YWHAG: variants seen among roughly 807,000 people sequenced by gnomAD.
YWHAG encodes the protein tyrosine 3-monooxygenase/tryptophan 5-monooxygenase activation protein gamma.
A neutral mutation model predicts 23.3 loss-of-function variants in YWHAG; 1 was observed. The ratio of observed to expected loss-of-function variants is 0.04; its 90% CI spans 0.02 to 0.20. The LOEUF is 0.20. Among genes scored for constraint, YWHAG ranks in the 10% least tolerant of loss-of-function variants. The probability of loss-of-function intolerance (pLI) is 1.00; values close to 1 mark genes in which losing one functional copy is unlikely to be tolerated. For missense variants in YWHAG, 151 were observed against 338.6 expected (o/e 0.45, Z 4.35); for synonymous variants, 160 against 144.0 (o/e 1.11, Z -0.80).
chr7:76,329,143 G>A lies in YWHAG; in HGVS notation c.*434C>T, dbSNP rs1228925486. On this transcript the variant is annotated 3_prime_UTR_variant, in exon 2 of 2. Transcript: ENST00000307630. The surrounding 1 kb of genome is among the most constrained non-coding windows in gnomAD (Gnocchi z 6.1). ...CTGTAGGCTACACCCTGGAAAACAT[G>A]CAGAGCCGAGACAGATGAGATAGAA... The A allele has an allele frequency of 1.2e-5, 2 of 173,400 alleles. No individual in the cohort carries two copies. Among genetic ancestry groups the A allele is most frequent in the African/African-American group, 2.4e-5 (1 of 41,714 alleles). 10.7% of individuals were successfully genotyped at this position (173,400 alleles called of 1,614,324 possible). A position where few individuals can be genotyped will look rare whatever the true frequency, so the allele number is the denominator to read the frequency against.
chr7:76,328,307 G>A lies in YWHAG; in HGVS notation c.*1270C>T, dbSNP rs1381302786. ...GAAAAAACTATCTCGAGAGGAAAAA[G>A]TTCTGGTCAAATAGGAGTTCAGTGT... On this transcript the variant is annotated 3_prime_UTR_variant, in exon 2 of 2. Coordinates refer to ENST00000307630, the MANE Select transcript of YWHAG (RefSeq NM_012479.4). 2 of 152,188 alleles carry A rather than the reference G, an allele frequency of 1.3e-5. No homozygotes were observed. The highest frequency in any genetic ancestry group is 2.9e-5 in the Non-Finnish European group (2 of 68,028). 9.4% of individuals were successfully genotyped at this position (152,188 alleles called of 1,614,324 possible). A position where few individuals can be genotyped will look rare whatever the true frequency, so the allele number is the denominator to read the frequency against.
Position 76,329,805 on chromosome 7 carries a change from T to A in YWHAG, c.516A>T (p.Arg172=). Residue 172 remains arginine (R), a synonymous_variant, in exon 2 of 2, where the codon CGA becomes CGT. Transcript: ENST00000307630. This position sits in a 1 kb window ranked among gnomAD's most constrained non-coding sequence, Gnocchi z 6.1. ...CGGAGTAGTTAAGAGCCAGGCCTAA[T>A]CGGATGGGGTGGGTGGGCTGCATGT... ...KEHMQPTHPI[R]LGLALNYSVF... is the part of the protein sequence containing the mutation. 1 of 1,612,576 alleles carries A rather than the reference T, an allele frequency of 6.2e-7. No individual in the cohort carries two copies. Among genetic ancestry groups the A allele is most frequent in the Non-Finnish European group, 8.5e-7 (1 of 1,179,824 alleles).
At chr7:76,350,091 G>C (rs1196769978) in intron 1 of YWHAG, among the ~76,000 whole-genome samples, 1 of 152,138 alleles carries the variant, frequency 6.6e-6, no homozygotes, top group South Asian at 2.1e-4. Flanking sequence ...GGTGAAGCTG[G>C]GTGTACGGGG....
intron 1 of YWHAG, 132 bp downstream of exon 1, chr7:76,358,590 G>C (rs1157252400): frequency 3.3e-6 from 3 of 904,418 alleles, no homozygotes; most frequent in Non-Finnish European, 3.2e-6. Context: ...ACCCTCCCCA[G>C]CCCCCCTCAG....
chr7:76,348,617 G>T (rs949984931), intron 1 of YWHAG, among the ~76,000 whole-genome samples: 8 of 151,938 alleles, frequency 5.3e-5, no homozygotes, highest in African/African-American at 1.9e-4. Flanking sequence ...TGTTTGCCAG[G>T]ATGGTCTTGA....
At chr7:76,350,680 C>G (rs1803859996) in intron 1 of YWHAG, among the ~76,000 whole-genome samples, 2 of 152,068 alleles carry the variant, frequency 1.3e-5, no homozygotes, top group South Asian at 2.1e-4. Context: ...CCCATTTCTA[C>G]TAAAAATACA....
chr7:76,336,611 C>T (rs1167670547), intron 1 of YWHAG, among the ~76,000 whole-genome samples: 10 of 152,094 alleles, frequency 6.6e-5, no homozygotes, highest in African/African-American at 2.2e-4. Flanking sequence ...CCCACCACCA[C>T]GCCTGGCTAA....
At chr7:76,349,977 G>A (rs1442863218) in intron 1 of YWHAG, among the ~76,000 whole-genome samples, 6 of 152,190 alleles carry the variant, frequency 3.9e-5, no homozygotes, top group Non-Finnish European at 8.8e-5. Flanking sequence ...CTGGGCAACA[G>A]AGCAAGACTG....
Position 76,329,372 on chromosome 7 carries a change from C to T in YWHAG, c.*205G>A. 1 of 625,256 alleles carries T rather than the reference C, an allele frequency of 1.6e-6. No individual in the cohort carries two copies. The highest frequency in any genetic ancestry group is 2.8e-5 in the East Asian group (1 of 35,424). The allele number at this position is 625,256 out of a possible 1,614,324, so 38.7% of individuals were successfully genotyped here. On this transcript the variant is annotated 3_prime_UTR_variant, in exon 2 of 2. Coordinates refer to ENST00000307630, the MANE Select transcript of YWHAG (RefSeq NM_012479.4). This position sits in a 1 kb window ranked among gnomAD's most constrained non-coding sequence, Gnocchi z 6.1. ...AGACGCCAGTGTGAGGCTGCTATTC[C>T]AATACCAGCACAGCTAGCCTGACTT...
At chr7:76,355,078 T>A (rs1803932512) in intron 1 of YWHAG, among the ~76,000 whole-genome samples, 2 of 152,200 alleles carry the variant, frequency 1.3e-5, no homozygotes, top group African/African-American at 2.4e-5. Context: ...CCAGCTGTAG[T>A]CCAGACCGGC....
chr7:76,328,363 C>G lies in YWHAG; in HGVS notation c.*1214G>C, dbSNP rs1304863035. The G allele has an allele frequency of 1.3e-5, 2 of 152,092 alleles. No individual in the cohort carries two copies. The highest frequency in any genetic ancestry group is 2.9e-5 in the Non-Finnish European group (2 of 68,022). The allele number at this position is 152,092 out of a possible 1,614,324, so 9.4% of individuals were successfully genotyped here. Reference sequence around the variant, plus strand: ...ATCTGGTAACAGTTTTTTTATCTTCCTACAATTACTTGGGGAAGGAGTGTC... The same window carrying G: ...ATCTGGTAACAGTTTTTTTATCTTCGTACAATTACTTGGGGAAGGAGTGTC... On this transcript the variant is annotated 3_prime_UTR_variant, in exon 2 of 2. Transcript: ENST00000307630.
chr7:76,339,492 A>G (rs906596951), intron 1 of YWHAG, among the ~76,000 whole-genome samples: 2 of 152,152 alleles, frequency 1.3e-5, no homozygotes, highest in African/African-American at 4.8e-5. Context: ...TAAAAATAAT[A>G]GTAATAATAA....
At chr7:76,355,098 T>C (rs1200226090) in intron 1 of YWHAG, among the ~76,000 whole-genome samples, 1 of 152,224 alleles carries the variant, frequency 6.6e-6, no homozygotes, top group Non-Finnish European at 1.5e-5. Context: ...CATCACTTTT[T>C]AAAAATAACC....
intron 1 of YWHAG, among the ~76,000 whole-genome samples, chr7:76,339,713 G>A (rs560009184): frequency 5.3e-5 from 8 of 152,164 alleles, no homozygotes; most frequent in South Asian, 2.1e-4. Context: ...TATTCAACAC[G>A]AAGACCGTAA....
chr7:76,358,682 G>A (rs1173030471), intron 1 of YWHAG, 40 bp downstream of exon 1: 1 of 1,541,178 alleles, frequency 6.5e-7, no homozygotes, highest in Non-Finnish European at 8.8e-7. Context: ...CGCGTCTTCG[G>A]AGGGGCAGGG....
chr7:76,358,291 G>A lies in YWHAG; in HGVS notation c.87+431C>T, dbSNP rs1417540673. On this transcript the variant is annotated intron_variant, in intron 1 of 1. Transcript: ENST00000307630. ...GACCTGCTGAGTGAATGGGAAAGGC[G>A]CCGCCCAGACACCAGGGAGAGAAAG... Among the ~76,000 whole-genome samples the A allele has an allele frequency of 4.6e-5, 7 of 152,284 alleles. No homozygotes were observed. The South Asian group carries it at 6.2e-4, about 14-fold the overall frequency.
chr7:76,336,165 C>A lies in YWHAG; in HGVS notation c.88-5932G>T, dbSNP rs536659226. Among the ~76,000 whole-genome samples, 54 of 152,206 alleles carry A rather than the reference C, an allele frequency of 3.5e-4. 1 individual carries two copies. Among genetic ancestry groups the A allele is most frequent in the African/African-American group, 1.2e-3 (49 of 41,528 alleles). On this transcript the variant is annotated intron_variant, in intron 1 of 1. Transcript: ENST00000307630. ...AAATAAGCCAGGAGAGATGAACAGG[C>A]AGAGCACACAGGACTTTCAGGGCAA...
Position 76,328,740 on chromosome 7 carries a change from T to C in YWHAG, c.*837A>G, listed in dbSNP as rs1229485632. On this transcript the variant is annotated 3_prime_UTR_variant, in exon 2 of 2. Transcript: ENST00000307630. ...TTCTCTATTTTTGTGGCGTTTCACG[T>C]TTCTCTCAAGAGGATTAATAATTTT... The C allele has an allele frequency of 2.6e-5, 4 of 151,980 alleles. No individual in the cohort carries two copies. The highest frequency in any genetic ancestry group is 9.7e-5 in the African/African-American group (4 of 41,374). 9.4% of individuals were successfully genotyped at this position (151,980 alleles called of 1,614,324 possible).
At chr7:76,334,959 A>T (rs572227809) in intron 1 of YWHAG, among the ~76,000 whole-genome samples, 16 of 152,214 alleles carry the variant, frequency 1.1e-4, no homozygotes, top group Non-Finnish European at 1.9e-4. Flanking sequence ...GAAAATGTAG[A>T]AAGTTTCAGT....
Sources: gnomAD v4.1 joint callset for allele counts (sites outside exome capture counted in the v4.1 genomes callset) on GRCh38, gnomAD v4.1.1 for gene constraint, Gnocchi (gnomAD v3.1) non-coding constraint, MANE v1.5 for transcripts, NCBI Gene and HGNC (gene_info 2026-07-23, HGNC 2026-07-21) for gene names.